The following IPPK variants were observed in gnomAD, a reference collection of about 807,000 sequenced individuals.
IPPK encodes the protein inositol-pentakisphosphate 2-kinase.
A neutral mutation model predicts 64.6 loss-of-function variants in IPPK; 22 were observed. That is an observed-to-expected ratio of 0.34 (90% CI 0.24 to 0.49). The LOEUF (loss-of-function observed/expected upper bound fraction) is 0.49, where lower values mean the gene tolerates loss of function less well. IPPK is among the 20% of genes least tolerant of loss of function. IPPK has a pLI of 0.99. For missense variants in IPPK, 532 were observed against 630.7 expected (o/e 0.84, Z 1.68); for synonymous variants, 262 against 247.2 (o/e 1.06, Z -0.56).
intron 1 of IPPK, among the ~76,000 whole-genome samples, chr9:92,661,719 T>C (rs945581496): frequency 6.6e-6 from 1 of 152,220 alleles, no homozygotes; most frequent in Non-Finnish European, 1.5e-5. Context: ...CCAAAAACTA[T>C]TACAAGAAAC....
At chr9:92,657,193 A>G (rs1852388988) in intron 2 of IPPK, among the ~76,000 whole-genome samples, 1 of 152,172 alleles carries the variant, frequency 6.6e-6, no homozygotes, top group African/African-American at 2.4e-5. Flanking sequence ...CTAATAAAAT[A>G]CAAAAATTAG....
chr9:92,665,373 G>T (rs2131466379), intron 1 of IPPK, among the ~76,000 whole-genome samples: 1 of 152,344 alleles, frequency 6.6e-6, no homozygotes, highest in Non-Finnish European at 1.5e-5. Flanking sequence ...CAGTCCTGCA[G>T]GACTGCACAA....
At chr9:92,633,533 T>A (rs1851883543) in intron 11 of IPPK, among the ~76,000 whole-genome samples, 1 of 152,152 alleles carries the variant, frequency 6.6e-6, no homozygotes, top group Admixed American at 6.5e-5. Context: ...GCTAATTTTT[T>A]AATTTTTCTT....
chr9:92,660,383 T>G (rs1852457798), intron 1 of IPPK, among the ~76,000 whole-genome samples: 1 of 152,170 alleles, frequency 6.6e-6, no homozygotes, highest in African/African-American at 2.4e-5. Flanking sequence ...TGGTGCAAGC[T>G]CTCACCCTGT....
intron 2 of IPPK, 140 bp downstream of exon 2, chr9:92,658,494 T>G: frequency 1.3e-6 from 1 of 745,140 alleles, no homozygotes; most frequent in Non-Finnish European, 2.3e-6. Flanking sequence ...TCAGGAATGA[T>G]GGACACACCA....
intron 12 of IPPK, chr9:92,618,348 C>T (rs1024429289): frequency 4.4e-6 from 2 of 456,610 alleles, no homozygotes; most frequent in Non-Finnish European, 8.8e-6. Flanking sequence ...TCGTAAGGAC[C>T]CGGGCCTTCA....
intron 12 of IPPK, chr9:92,618,641 A>AT (rs1342305118): frequency 4.5e-6 from 2 of 444,156 alleles, no homozygotes; most frequent in African/African-American, 4.0e-5. Flanking sequence ...TCCTTAGGGG[A>AT]TAACAGGAGT....
In IPPK at chr9:92,615,024, G is replaced by A. The variant is rs1007466734; in HGVS notation, c.*808C>T. 3 of 152,268 alleles carry A rather than the reference G, an allele frequency of 2.0e-5. No individual in the cohort carries two copies. Among genetic ancestry groups the A allele is most frequent in the African/African-American group, 7.2e-5 (3 of 41,454 alleles). 9.4% of individuals were successfully genotyped at this position (152,268 alleles called of 1,614,324 possible). On this transcript the variant is annotated 3_prime_UTR_variant, in exon 13 of 13. Transcript: ENST00000287996. ...AGTGTCAGGAAAGCACTGAGCTGTT[G>A]GGGCACACTGCCCAGCCCGGCCACA...
At position 92,656,329 on chromosome 9, in the gene IPPK, G is replaced by A. The variant is rs1587642324; in HGVS notation, c.225+127C>T. On this transcript the variant is annotated intron_variant, in intron 3 of 12. Transcript: ENST00000287996. ...TCTGCTGCCACCCAGCACAGCAAAT[G>A]AGAAACACTTGGAGACTAGCTGGAC... 4 of 671,476 alleles carry A rather than the reference G, an allele frequency of 6.0e-6. No homozygotes were observed. The East Asian group carries it at 1.1e-4, about 19-fold the overall frequency. 41.6% of individuals were successfully genotyped at this position (671,476 alleles called of 1,614,324 possible). A position where few individuals can be genotyped will look rare whatever the true frequency, so the allele number is the denominator to read the frequency against.
intron 11 of IPPK, among the ~76,000 whole-genome samples, chr9:92,620,915 A>G (rs1468844161): frequency 6.6e-6 from 1 of 152,186 alleles, no homozygotes; most frequent in Non-Finnish European, 1.5e-5. Context: ...CTATCACGAA[A>G]TGCCCAAAAC....
At chr9:92,649,648 C>A (rs1174785770) in intron 4 of IPPK, 74 bp from the exon 5 acceptor site, 2 of 1,557,302 alleles carry the variant, frequency 1.3e-6, no homozygotes, top group East Asian at 4.5e-5. Flanking sequence ...CAAAACAGGC[C>A]CCGCCTTGTC....
Position 92,669,953 on chromosome 9 carries a change from C to T in IPPK, c.36G>A (p.Gly12=), listed in dbSNP as rs760996570. Residue 12 remains glycine (G), a synonymous_variant, in exon 1 of 13, where the codon GGG becomes GGA. Transcript: ENST00000287996. ...EEGKMDENEW[G]YHGEGNKSLV... The stretch of plus-strand genomic sequence containing the variant: ...GGCTCTTATTGCCCTCTCCGTGGTA[C>T]CCCCATTCATTCTCGTCCATCTTCC... 48 of 1,613,040 alleles carry T rather than the reference C, an allele frequency of 3.0e-5. No homozygotes were observed. Among genetic ancestry groups the T allele is most frequent in the Non-Finnish European group, 3.8e-5 (45 of 1,179,486 alleles).
At chr9:92,663,591 T>C (rs930261872) in intron 1 of IPPK, among the ~76,000 whole-genome samples, 3 of 152,226 alleles carry the variant, frequency 2.0e-5, no homozygotes, top group African/African-American at 7.2e-5. Flanking sequence ...GAAGCAACAA[T>C]TGGTGTTAAA....
chr9:92,668,158 C>T (rs1239993657), intron 1 of IPPK, among the ~76,000 whole-genome samples: 2 of 151,942 alleles, frequency 1.3e-5, no homozygotes, highest in East Asian at 1.9e-4. Context: ...ATCCCAGCTA[C>T]TCGGGAGGCT....
intron 6 of IPPK, among the ~76,000 whole-genome samples, chr9:92,644,316 C>T (rs533165207): frequency 1.4e-4 from 22 of 152,180 alleles, no homozygotes; most frequent in East Asian, 5.8e-4. Context: ...CTTTAAATGC[C>T]CTATTCCCAT....
At chr9:92,661,764 T>G (rs1852489719) in intron 1 of IPPK, among the ~76,000 whole-genome samples, 1 of 152,232 alleles carries the variant, frequency 6.6e-6, no homozygotes, top group Non-Finnish European at 1.5e-5. Context: ...CAGCCAGTTT[T>G]CATCAATACC....
chr9:92,656,407 T>C, intron 3 of IPPK, 49 bp downstream of exon 3: 1 of 1,211,652 alleles, frequency 8.3e-7, no homozygotes, highest in Middle Eastern at 1.9e-4. Context: ...ATTGGCAGTG[T>C]TGATGCAAAA....
intron 2 of IPPK, among the ~76,000 whole-genome samples, chr9:92,656,786 C>A (rs1051671059): frequency 6.6e-6 from 1 of 152,230 alleles, no homozygotes; most frequent in African/African-American, 2.4e-5. Flanking sequence ...GGGAAGGTAG[C>A]AGTCTGAGGA....
At position 92,670,068 on chromosome 9, in the gene IPPK, C is replaced by A. The variant is rs1852698298; in HGVS notation, c.-80G>T. 4 of 1,060,690 alleles carry A rather than the reference C, an allele frequency of 3.8e-6. No individual in the cohort carries two copies. Among genetic ancestry groups the A allele is most frequent in the Admixed American group, 4.4e-5 (2 of 45,120 alleles). The allele number at this position is 1,060,690 out of a possible 1,614,324, so 65.7% of individuals were successfully genotyped here. The stretch of plus-strand genomic sequence containing the variant: ...GGCCGCCCGCCTCGCTGGGAACCAG[C>A]CGCTGCGGTCGGGGGAGGAGCGCCT... On this transcript the variant is annotated 5_prime_UTR_variant, in exon 1 of 13. Coordinates refer to ENST00000287996, the MANE Select transcript of IPPK (RefSeq NM_022755.6).
Sources: allele counts gnomAD v4.1 joint callset (sites outside exome capture counted in the v4.1 genomes callset), GRCh38; gene constraint gnomAD v4.1.1; transcripts MANE v1.5; gene names NCBI Gene and HGNC (gene_info 2026-07-23, HGNC 2026-07-21).